TRPC4AP: variants seen among roughly 807,000 people sequenced by gnomAD.
TRPC4AP encodes transient receptor potential cation channel subfamily C member 4 associated protein.
A neutral mutation model predicts 99.0 loss-of-function variants in TRPC4AP; 45 were observed. The observed-to-expected ratio is 0.45, with a 90% CI of 0.36 to 0.58. The LOEUF (loss-of-function observed/expected upper bound fraction) is 0.58, where lower values mean the gene tolerates loss of function less well. Among genes scored for constraint, TRPC4AP ranks in the 20% least tolerant of loss-of-function variants. The pLI is 0.00. For synonymous variants in TRPC4AP, 408 were observed against 385.8 expected (o/e 1.06, Z -0.67); for missense variants, 879 against 985.3 (o/e 0.89, Z 1.44).
chr20:35,070,331 G>A (rs1158622355), intron 2 of TRPC4AP, among the ~76,000 whole-genome samples: 1 of 151,992 alleles, frequency 6.6e-6, no homozygotes, highest in Non-Finnish European at 1.5e-5. Flanking sequence ...CCAACCAGAA[G>A]CATGCTCTTC....
chr20:35,003,208 C>T lies in TRPC4AP; in HGVS notation c.2332G>A (p.Ala778Thr), dbSNP rs754137459. The T allele has an allele frequency of 1.2e-6, 2 of 1,614,216 alleles. No individual in the cohort carries two copies. The highest frequency in any genetic ancestry group is 1.7e-6 in the Non-Finnish European group (2 of 1,180,032). Reference protein sequence around the residue: ...LLNPDRQSPSALVSYIEEPYM... With the variant: ...LLNPDRQSPSTLVSYIEEPYM... Reference sequence around the variant, plus strand: ...GGCTCCTCAATGTAGCTAACGAGAGCAGAGGGTGACTGCCGGTCCGGGTTC... The same window carrying T: ...GGCTCCTCAATGTAGCTAACGAGAGTAGAGGGTGACTGCCGGTCCGGGTTC... The change falls in exon 19 of 19, where the codon GCT becomes ACT. Residue 778 changes from alanine to threonine, a missense_variant. Around this residue, in one of 3 missense-constraint regions of TRPC4AP, gnomAD observed 224 missense variants for 264.7 expected, o/e 0.85. Transcript: ENST00000252015.
rs554185387 is a variant in TRPC4AP, at chr20:35,006,810, C to G, written c.1687-235G>C. Among the ~76,000 whole-genome samples the G allele has an allele frequency of 2.6e-5, 4 of 152,376 alleles. No homozygotes were observed. In the South Asian group the frequency reaches 6.2e-4, roughly 24 times the overall value. On this transcript the variant is annotated intron_variant, in intron 14 of 18. Transcript: ENST00000252015. Reference sequence around the variant, plus strand: ...AGCACAATCTCTCCCCTGCCCAGGGCGTACAGCTGAAGCCTGTGACCTGCT... The same window carrying G: ...AGCACAATCTCTCCCCTGCCCAGGGGGTACAGCTGAAGCCTGTGACCTGCT...
At chr20:35,032,959 T>C (rs1171558217) in intron 8 of TRPC4AP, among the ~76,000 whole-genome samples, 1 of 152,074 alleles carries the variant, frequency 6.6e-6, no homozygotes, top group Non-Finnish European at 1.5e-5. Flanking sequence ...TCCTAGCACT[T>C]TGGGAGGCCA....
At chr20:35,063,230 T>G (rs563465176) in intron 3 of TRPC4AP, among the ~76,000 whole-genome samples, 3 of 152,236 alleles carry the variant, frequency 2.0e-5, no homozygotes, top group Non-Finnish European at 4.4e-5. Context: ...GCCATGATTG[T>G]GAGTTTCCTG....
intron 7 of TRPC4AP, among the ~76,000 whole-genome samples, chr20:35,041,203 TACAC>T (rs996640370): frequency 1.3e-5 from 2 of 152,224 alleles, no homozygotes; most frequent in African/African-American, 4.8e-5. Context: ...AGCTGACTGA[TACAC>T]ACACCTGAGA....
chr20:35,047,881 C>T (rs2083596520), intron 6 of TRPC4AP, among the ~76,000 whole-genome samples: 1 of 152,068 alleles, frequency 6.6e-6, no homozygotes, highest in Admixed American at 6.6e-5. Flanking sequence ...AATACTGATG[C>T]CTCAGCCCTC....
Position 35,002,881 on chromosome 20 carries a change from T to C in TRPC4AP, c.*265A>G, listed in dbSNP as rs1600487778. 1 of 423,476 alleles carries C rather than the reference T, an allele frequency of 2.4e-6. No individual in the cohort carries two copies. Among genetic ancestry groups the C allele is most frequent in the East Asian group, 4.4e-5 (1 of 22,530 alleles). The allele number at this position is 423,476 out of a possible 1,614,324, so 26.2% of individuals were successfully genotyped here. Reference sequence around the variant, plus strand: ...CTAATGCTAAATGTCCTCTTACCTCTGGGTGGCCCTGGGCCCCAGGGTTCT... The same window carrying C: ...CTAATGCTAAATGTCCTCTTACCTCCGGGTGGCCCTGGGCCCCAGGGTTCT... On this transcript the variant is annotated 3_prime_UTR_variant, in exon 19 of 19. Coordinates refer to ENST00000252015, the MANE Select transcript of TRPC4AP (RefSeq NM_015638.3).
intron 4 of TRPC4AP, among the ~76,000 whole-genome samples, chr20:35,057,028 G>A (rs962869474): frequency 4.8e-5 from 7 of 146,124 alleles, no homozygotes; most frequent in South Asian, 4.4e-4. Flanking sequence ...TATTTGTAAC[G>A]TGTAAGTTAT....
chr20:35,074,841 CGTT>C (rs2084428651), intron 2 of TRPC4AP, among the ~76,000 whole-genome samples: 1 of 152,150 alleles, frequency 6.6e-6, no homozygotes, highest in Admixed American at 6.6e-5. Flanking sequence ...CTTTCTGTCT[CGTT>C]GATCTGTCTA....
intron 8 of TRPC4AP, among the ~76,000 whole-genome samples, chr20:35,031,308 A>G (rs2180848): frequency 0.73 from 109,121 of 150,054 alleles, 39,980 homozygotes; most frequent in Middle Eastern, 0.83. Flanking sequence ...CTACAGCCTC[A>G]TCCTCCTGGG....
At chr20:35,066,578 C>T (rs887768205) in intron 3 of TRPC4AP, among the ~76,000 whole-genome samples, 2 of 152,102 alleles carry the variant, frequency 1.3e-5, no homozygotes, top group African/African-American at 2.4e-5. Context: ...CAGATCCTAA[C>T]CCCTCAGTCA....
chr20:35,017,727 G>C (rs1467788283), intron 9 of TRPC4AP, among the ~76,000 whole-genome samples: 1 of 152,180 alleles, frequency 6.6e-6, no homozygotes, highest in African/African-American at 2.4e-5. Flanking sequence ...AGCTGACAAA[G>C]ACATCCCTGG....
chr20:35,018,929 C>T (rs2082821557), intron 9 of TRPC4AP, among the ~76,000 whole-genome samples: 1 of 152,194 alleles, frequency 6.6e-6, no homozygotes, highest in African/African-American at 2.4e-5. Flanking sequence ...GTTGAAAAGG[C>T]TCAGTGAGGT....
intron 6 of TRPC4AP, among the ~76,000 whole-genome samples, chr20:35,046,865 A>T (rs1182591489): frequency 1.3e-5 from 2 of 151,850 alleles, no homozygotes; most frequent in African/African-American, 4.8e-5. Flanking sequence ...GTTTTGTCTT[A>T]AATTTTAAGA....
chr20:35,029,785 GCCA>G (rs1306434554), intron 8 of TRPC4AP, among the ~76,000 whole-genome samples: 3 of 148,776 alleles, frequency 2.0e-5, no homozygotes, highest in African/African-American at 7.3e-5. Flanking sequence ...ACAGGCGCCC[GCCA>G]CCACGCCCAG....
At chr20:35,088,616 T>C (rs1429606630) in intron 1 of TRPC4AP, among the ~76,000 whole-genome samples, 1 of 152,186 alleles carries the variant, frequency 6.6e-6, no homozygotes, top group African/African-American at 2.4e-5. Flanking sequence ...CACTTAATCC[T>C]CCTAACAACT....
intron 1 of TRPC4AP, 103 bp downstream of exon 1, chr20:35,092,511 G>T: frequency 7.5e-7 from 1 of 1,332,258 alleles, no homozygotes; most frequent in Non-Finnish European, 9.7e-7. Flanking sequence ...AGCCAAAAGG[G>T]CTTTGGCCCG....
At chr20:35,005,579 C>T (rs2082499046) in intron 16 of TRPC4AP, 116 bp downstream of exon 16, 6 of 941,510 alleles carry the variant, frequency 6.4e-6, no homozygotes, top group African/African-American at 3.3e-5. Flanking sequence ...AGGCCGGCCA[C>T]GTGGGCATCT....
intron 12 of TRPC4AP, 49 bp downstream of exon 12, chr20:35,010,132 GGGGAAC>G (rs940626770): frequency 3.3e-6 from 5 of 1,511,224 alleles, no homozygotes; most frequent in Non-Finnish European, 4.6e-6. Context: ...GTGAGCCCCC[GGGGAAC>G]GTGGGCAGCC....
Sources: gnomAD v4.1 joint callset for allele counts (sites outside exome capture counted in the v4.1 genomes callset) on GRCh38, gnomAD v4.1.1 for gene constraint, gnomAD v4.1.1 regional missense constraint, MANE v1.5 for transcripts, NCBI Gene and HGNC (gene_info 2026-07-23, HGNC 2026-07-21) for gene names.